GRIA4: variants seen among roughly 807,000 people sequenced by gnomAD.
GRIA4 encodes glutamate ionotropic receptor AMPA type subunit 4.
A neutral mutation model predicts 104.0 loss-of-function variants in GRIA4; 34 were observed. The ratio of observed to expected loss-of-function variants is 0.33; its 90% CI spans 0.25 to 0.44. The LOEUF is 0.44. GRIA4 is among the 20% of genes least tolerant of loss of function. The probability of loss-of-function intolerance (pLI) is 1.00; values close to 1 mark genes in which losing one functional copy is unlikely to be tolerated. For missense variants in GRIA4, 750 were observed against 1,096.5 expected, an observed-to-expected ratio of 0.68 and a Z score of 4.46; for synonymous variants, 386 against 381.9, an observed-to-expected ratio of 1.01 and a Z score of -0.13.
At chr11:105,834,350 A>G (rs1208260752) in intron 4 of GRIA4, among the ~76,000 whole-genome samples, 1 of 152,106 alleles carries the variant, frequency 6.6e-6, no homozygotes, top group East Asian at 1.9e-4. Flanking sequence ...ATTTAAGGAC[A>G]TATAGGACTT....
chr11:105,948,589 CTTTTT>C (rs1948378109), intron 14 of GRIA4, among the ~76,000 whole-genome samples: 2 of 111,212 alleles, frequency 1.8e-5, no homozygotes, highest in African/African-American at 3.4e-5. Context: ...CTTTTCTTTT[CTTTTT>C]GTTTTTTTTT....
intron 14 of GRIA4, among the ~76,000 whole-genome samples, chr11:105,969,777 C>T (rs1214768939): frequency 1.3e-5 from 2 of 152,042 alleles, no homozygotes; most frequent in African/African-American, 4.8e-5. Flanking sequence ...AGTATCAGTT[C>T]AAGAAAAAAG....
At chr11:105,866,185 C>A (rs1945398677) in intron 5 of GRIA4, among the ~76,000 whole-genome samples, 1 of 152,116 alleles carries the variant, frequency 6.6e-6, no homozygotes, top group South Asian at 2.1e-4. Flanking sequence ...TGATTCTTCT[C>A]GTTCTCACTT....
At chr11:105,807,448 A>G (rs1942997946) in intron 4 of GRIA4, among the ~76,000 whole-genome samples, 4 of 151,922 alleles carry the variant, frequency 2.6e-5, no homozygotes. Flanking sequence ...TTAGAAATTT[A>G]TAAAGAAGTC....
chr11:105,732,690 C>T (rs1227434619), intron 3 of GRIA4, among the ~76,000 whole-genome samples: 1 of 152,114 alleles, frequency 6.6e-6, no homozygotes, highest in African/African-American at 2.4e-5. Context: ...GCCAGTATCA[C>T]AAAGCATGGC....
At chr11:105,889,201 ATATTTG>A (rs1370360479) in intron 6 of GRIA4, among the ~76,000 whole-genome samples, 1 of 152,232 alleles carries the variant, frequency 6.6e-6, no homozygotes, top group Non-Finnish European at 1.5e-5. Context: ...GAATGAATTA[ATATTTG>A]TAATACTACA....
intron 3 of GRIA4, among the ~76,000 whole-genome samples, chr11:105,664,251 CT>C (rs1172688365): frequency 2.7e-5 from 4 of 149,626 alleles, no homozygotes; most frequent in African/African-American, 9.9e-5. Flanking sequence ...TGACGGGGCA[CT>C]GGATAAGTGG....
intron 13 of GRIA4, among the ~76,000 whole-genome samples, chr11:105,930,806 C>A (rs953185614): frequency 2.6e-5 from 4 of 151,954 alleles, no homozygotes; most frequent in Non-Finnish European, 5.9e-5. Context: ...CATAAAATAG[C>A]TCAATTAAAA....
intron 3 of GRIA4, among the ~76,000 whole-genome samples, chr11:105,670,421 C>A (rs1011213965): frequency 1.3e-5 from 2 of 152,096 alleles, no homozygotes; most frequent in African/African-American, 4.8e-5. Context: ...CATTGTCATA[C>A]CTGTTTTCCA....
intron 10 of GRIA4, among the ~76,000 whole-genome samples, chr11:105,914,260 T>C (rs1296062837): frequency 6.6e-6 from 1 of 151,874 alleles, no homozygotes; most frequent in African/African-American, 2.4e-5. Flanking sequence ...ATATCTTAAT[T>C]TTCACTTTTA....
intron 5 of GRIA4, among the ~76,000 whole-genome samples, chr11:105,866,533 A>ATGTG (rs1491138856): frequency 2.1e-4 from 12 of 57,670 alleles, no homozygotes; most frequent in South Asian, 4.0e-4. Flanking sequence ...ATATATACGC[A>ATGTG]TATGTGTGTG....
At chr11:105,796,849 T>C (rs768654985) in intron 4 of GRIA4, among the ~76,000 whole-genome samples, 1 of 152,162 alleles carries the variant, frequency 6.6e-6, no homozygotes, top group Non-Finnish European at 1.5e-5. Flanking sequence ...ATGTAAACTT[T>C]AATGTTGTAT....
At chr11:105,828,247 G>A (rs200684954) in intron 4 of GRIA4, among the ~76,000 whole-genome samples, 24 of 152,100 alleles carry the variant, frequency 1.6e-4, no homozygotes, top group South Asian at 1.4e-3. Context: ...GCCTCTGGGC[G>A]TTTGTAGAGG....
intron 14 of GRIA4, among the ~76,000 whole-genome samples, chr11:105,950,492 C>T (rs1052637055): frequency 2.0e-5 from 3 of 151,620 alleles, no homozygotes; most frequent in Non-Finnish European, 1.5e-5. Context: ...GTTCTTGGGA[C>T]CCAAGATTAC....
chr11:105,675,141 T>G (rs909646157), intron 3 of GRIA4, among the ~76,000 whole-genome samples: 1 of 151,904 alleles, frequency 6.6e-6, no homozygotes, highest in Non-Finnish European at 1.5e-5. Context: ...GCACATGCTT[T>G]GAGCTGATTT....
intron 14 of GRIA4, among the ~76,000 whole-genome samples, chr11:105,948,397 T>C (rs993836918): frequency 1.3e-5 from 2 of 152,096 alleles, no homozygotes; most frequent in Admixed American, 1.3e-4. Context: ...GAAGTTTAAA[T>C]AGATACATGT....
At chr11:105,692,481 A>G (rs919391065) in intron 3 of GRIA4, among the ~76,000 whole-genome samples, 4 of 152,194 alleles carry the variant, frequency 2.6e-5, no homozygotes, top group Non-Finnish European at 4.4e-5. Flanking sequence ...GAGTAGCACC[A>G]TTTTCAAAAG....
chr11:105,695,396 T>C (rs1452661160), intron 3 of GRIA4, among the ~76,000 whole-genome samples: 1 of 152,070 alleles, frequency 6.6e-6, no homozygotes, highest in Non-Finnish European at 1.5e-5. Flanking sequence ...CCTTGTCTTG[T>C]TGAGCTACTT....
At chr11:105,857,856 G>C (rs1945066924) in intron 4 of GRIA4, among the ~76,000 whole-genome samples, 1 of 152,068 alleles carries the variant, frequency 6.6e-6, no homozygotes, top group South Asian at 2.1e-4. Context: ...TCTTTCTGCT[G>C]CTCTGTGTGC....
Sources: gnomAD v4.1 joint callset for allele counts (sites outside exome capture counted in the v4.1 genomes callset) on GRCh38, gnomAD v4.1.1 for gene constraint, MANE v1.5 for transcripts, NCBI Gene and HGNC (gene_info 2026-07-23, HGNC 2026-07-21) for gene names.